BABAM2: variants seen among roughly 807,000 people sequenced by gnomAD.
The protein encoded by BABAM2 is BRISC and BRCA1-A complex member 2.
A neutral mutation model predicts 54.7 loss-of-function variants in BABAM2; 31 were observed. The ratio of observed to expected loss-of-function variants is 0.57; its 90% CI spans 0.43 to 0.77. The LOEUF (loss-of-function observed/expected upper bound fraction) is 0.77, where lower values mean the gene tolerates loss of function less well. BABAM2 is among the 30% of genes least tolerant of loss of function. BABAM2 has a pLI of 0.00. For synonymous variants in BABAM2, 167 were observed against 162.9 expected, an observed-to-expected ratio of 1.03 and a Z score of -0.19; for missense variants, 364 against 455.8, an observed-to-expected ratio of 0.80 and a Z score of 1.83.
chr2:28,050,198 T>C (rs992235820), intron 6 of BABAM2, among the ~76,000 whole-genome samples: 2 of 152,222 alleles, frequency 1.3e-5, no homozygotes, highest in African/African-American at 4.8e-5. Flanking sequence ...CTTGTTGATG[T>C]TGTTGTTAAT....
intron 10 of BABAM2, among the ~76,000 whole-genome samples, chr2:28,287,637 G>A (rs1686934509): frequency 6.6e-6 from 1 of 152,174 alleles, no homozygotes; most frequent in African/African-American, 2.4e-5. Context: ...ACTGAGCAAT[G>A]GAGCATGCAA....
intron 11 of BABAM2, among the ~76,000 whole-genome samples, chr2:28,331,204 A>G (rs1369491183): frequency 6.6e-6 from 1 of 152,218 alleles, no homozygotes; most frequent in Non-Finnish European, 1.5e-5. Context: ...TATAAAACCA[A>G]AACTATAAAA....
At chr2:28,082,339 T>G (rs1665249272) in intron 6 of BABAM2, among the ~76,000 whole-genome samples, 1 of 152,206 alleles carries the variant, frequency 6.6e-6, no homozygotes, top group Non-Finnish European at 1.5e-5. Context: ...CAAAGAAACA[T>G]TTTAAAGATA....
At chr2:27,964,713 A>G (rs1558622884) in intron 3 of BABAM2, among the ~76,000 whole-genome samples, 2 of 152,216 alleles carry the variant, frequency 1.3e-5, no homozygotes, top group Admixed American at 6.5e-5. Flanking sequence ...AAAGATAGAA[A>G]GAGGTGGAAA....
intron 4 of BABAM2, 93 bp downstream of exon 4, chr2:27,988,180 A>AAAT: frequency 8.3e-7 from 1 of 1,198,148 alleles, no homozygotes; most frequent in Non-Finnish European, 1.2e-6. Context: ...GATTTGTCAC[A>AAAT]CATCTGCATT....
intron 9 of BABAM2, among the ~76,000 whole-genome samples, chr2:28,243,629 C>T (rs1682650611): frequency 6.6e-6 from 1 of 152,068 alleles, no homozygotes; most frequent in South Asian, 2.1e-4. Context: ...ATTGCCTGAA[C>T]CTAGGAGGCA....
At chr2:28,095,847 G>C (rs1389915209) in intron 6 of BABAM2, among the ~76,000 whole-genome samples, 1 of 152,164 alleles carries the variant, frequency 6.6e-6, no homozygotes, top group Non-Finnish European at 1.5e-5. Context: ...AGGTGAAGAA[G>C]AGAACCAACA....
intron 7 of BABAM2, among the ~76,000 whole-genome samples, chr2:28,131,072 TA>T (rs1336473657): frequency 0.02 from 60 of 3,060 alleles, no homozygotes; most frequent in Admixed American, 0.036. Context: ...TTATTATTAT[TA>T]TTATTATTTT....
At chr2:28,073,435 T>G (rs1395871968) in intron 6 of BABAM2, among the ~76,000 whole-genome samples, 1 of 152,138 alleles carries the variant, frequency 6.6e-6, no homozygotes, top group Non-Finnish European at 1.5e-5. Context: ...AAATTTAAGG[T>G]TGAAGTAAAC....
intron 3 of BABAM2, among the ~76,000 whole-genome samples, chr2:27,945,353 T>A (rs1171870012): frequency 1.3e-5 from 2 of 152,110 alleles, no homozygotes; most frequent in African/African-American, 4.8e-5. Flanking sequence ...GATCATATAT[T>A]TGTTAATTAA....
chr2:28,190,144 A>G (rs966984135), intron 7 of BABAM2, among the ~76,000 whole-genome samples: 1 of 152,250 alleles, frequency 6.6e-6, no homozygotes, highest in African/African-American at 2.4e-5. Context: ...CATTAACTCA[A>G]AATGAATTTA....
At chr2:28,147,075 A>G (rs369542910) in intron 7 of BABAM2, among the ~76,000 whole-genome samples, 3 of 152,152 alleles carry the variant, frequency 2.0e-5, no homozygotes, top group African/African-American at 7.2e-5. Flanking sequence ...ATCACTAACT[A>G]CTGGCATGTA....
chr2:28,244,571 GAT>G (rs113211050), intron 9 of BABAM2, among the ~76,000 whole-genome samples: 1,948 of 152,270 alleles, frequency 0.013, 22 homozygotes, highest in Middle Eastern at 0.034. Flanking sequence ...GGTCATAGTA[GAT>G]AGTCAATGGC....
intron 2 of BABAM2, among the ~76,000 whole-genome samples, chr2:27,920,266 G>A (rs1667255648): frequency 6.6e-6 from 1 of 152,136 alleles, no homozygotes; most frequent in African/African-American, 2.4e-5. Context: ...GTCAGATGGG[G>A]TATAATTATA....
At chr2:28,248,509 C>T (rs978300487) in intron 10 of BABAM2, among the ~76,000 whole-genome samples, 12 of 151,988 alleles carry the variant, frequency 7.9e-5, no homozygotes, top group African/African-American at 2.9e-4. Context: ...GCGCCTGGTC[C>T]ACTAGTAGCT....
At chr2:28,090,936 G>A (rs1482072782) in intron 6 of BABAM2, among the ~76,000 whole-genome samples, 2 of 151,976 alleles carry the variant, frequency 1.3e-5, no homozygotes, top group East Asian at 1.9e-4. Context: ...CATTTTGGGA[G>A]GATCAAATGA....
chr2:27,913,495 G>A (rs1451085455), intron 2 of BABAM2, among the ~76,000 whole-genome samples: 1 of 152,066 alleles, frequency 6.6e-6, no homozygotes, highest in Non-Finnish European at 1.5e-5. Flanking sequence ...TATGGTAGAT[G>A]GTTATACAAA....
Position 28,168,104 on chromosome 2 carries a change from C to T in BABAM2, c.680+38724C>T, listed in dbSNP as rs1180749771. 2.6e-5 allele frequency among the ~76,000 whole-genome samples: 4 copies of T among 152,164 alleles called. No homozygotes were observed. In the East Asian group the frequency reaches 7.7e-4, roughly 29 times the overall value. ...CCAAGGGCTTTTTGTTACAGAGGAA[C>T]TCAAGGAGCCCAGTGGAAAGCACTT... is the stretch of plus-strand genomic sequence containing the variant. On this transcript the variant is annotated intron_variant, in intron 7 of 11. Transcript: ENST00000379624.
At chr2:28,134,453 C>G (rs1190694529) in intron 7 of BABAM2, 1 of 152,240 alleles carries the variant, frequency 6.6e-6, no homozygotes, top group African/African-American at 2.4e-5. Context: ...TAGCACTCTT[C>G]CACGAAAGGT....
Sources: gnomAD v4.1 joint callset for allele counts (sites outside exome capture counted in the v4.1 genomes callset) on GRCh38, gnomAD v4.1.1 for gene constraint, MANE v1.5 for transcripts, NCBI Gene and HGNC (gene_info 2026-07-23, HGNC 2026-07-21) for gene names.